Variants in USP26 observed in about 807,000 individuals in gnomAD.
The protein encoded by USP26 is ubiquitin carboxyl-terminal hydrolase 26.
For synonymous variants in USP26, 236 were observed against 240.6 expected (o/e 0.98, Z 0.18); for missense variants, 649 against 642.3 (o/e 1.01, Z -0.11).
At chrX:133,095,903 C>A (rs1004192731) in intron 1 of USP26, among the ~76,000 whole-genome samples, 2 of 110,639 alleles carry the variant, frequency 1.8e-5, no homozygotes, top group African/African-American at 3.3e-5. Context: ...TATCACCACG[C>A]CTGGCTGATT....
At chrX:133,085,983 G>A (rs937945360) in intron 4 of USP26, among the ~76,000 whole-genome samples, 5 of 111,147 alleles carry the variant, frequency 4.5e-5, no homozygotes, top group African/African-American at 6.6e-5. Flanking sequence ...GTGAGTCAGC[G>A]TGGGTGTGTG....
intron 1 of USP26, among the ~76,000 whole-genome samples, chrX:133,092,356 T>A (rs2067610484): frequency 8.9e-6 from 1 of 111,922 alleles, no homozygotes; most frequent in Admixed American, 9.5e-5. Flanking sequence ...ATAACAAATT[T>A]TTGAAATCGG....
chrX:133,037,965 C>T lies in USP26; in HGVS notation c.-76-9669G>A, dbSNP rs181940306. Among the ~76,000 whole-genome samples the T allele has an allele frequency of 5.4e-5, 6 of 111,111 alleles. No individual in the cohort carries two copies. The East Asian group carries it at 1.7e-3, about 32-fold the overall frequency. On this transcript the variant is annotated intron_variant, in intron 5 of 5. Transcript: ENST00000511190. ...AGTTTACTCATGATTTGGCTCTCTG[C>T]TTGTCTATTATTGGTGTATAGGAAT...
chrX:133,030,591 G>A (rs1262774102), intron 5 of USP26, among the ~76,000 whole-genome samples: 2 of 111,529 alleles, frequency 1.8e-5, no homozygotes, highest in South Asian at 3.8e-4. Flanking sequence ...ATAAAAGAGG[G>A]GACTCCTGTA....
intron 5 of USP26, among the ~76,000 whole-genome samples, chrX:133,038,682 G>T (rs1479158781): frequency 1.8e-5 from 2 of 112,009 alleles, no homozygotes; most frequent in Non-Finnish European, 3.8e-5. Context: ...CTCATAAAAT[G>T]AGTTAGGGAG....
intron 5 of USP26, among the ~76,000 whole-genome samples, chrX:133,062,661 A>AAG (rs1317686137): frequency 6.3e-5 from 7 of 111,655 alleles, no homozygotes; most frequent in Non-Finnish European, 1.1e-4. Context: ...ACACCTGCAG[A>AAG]AGAGGGGCCT....
chrX:133,036,769 G>A (rs1161192430), intron 5 of USP26, among the ~76,000 whole-genome samples: 1 of 112,299 alleles, frequency 8.9e-6, no homozygotes. Flanking sequence ...CTTCCACAAT[G>A]GTTGAACTAG....
At chrX:133,068,899 G>A (rs1016558932) in intron 5 of USP26, among the ~76,000 whole-genome samples, 4 of 112,092 alleles carry the variant, frequency 3.6e-5, no homozygotes, top group Non-Finnish European at 7.5e-5. Context: ...GAGGTGTTCC[G>A]CTAATTAAGA....
chrX:133,080,356 A>G (rs1333906127), intron 5 of USP26, among the ~76,000 whole-genome samples: 1 of 111,541 alleles, frequency 9.0e-6, no homozygotes, highest in East Asian at 2.8e-4. Flanking sequence ...AAAATTTTAA[A>G]TTCAGCTAAG....
intron 1 of USP26, among the ~76,000 whole-genome samples, chrX:133,092,862 A>G (rs1356414637): frequency 2.7e-5 from 3 of 111,877 alleles, no homozygotes; most frequent in South Asian, 3.7e-4. Flanking sequence ...TCTAAATTCA[A>G]TCTAGAAGGA....
At chrX:133,063,354 G>A (rs755289845) in intron 5 of USP26, among the ~76,000 whole-genome samples, 15 of 110,951 alleles carry the variant, frequency 1.4e-4, no homozygotes, top group Non-Finnish European at 2.8e-4. Flanking sequence ...ACAGGCCAAC[G>A]TTCAAATTCA....
intron 5 of USP26, among the ~76,000 whole-genome samples, chrX:133,063,917 T>G (rs1476756726): frequency 1.8e-5 from 2 of 111,928 alleles, no homozygotes; most frequent in Non-Finnish European, 3.8e-5. Flanking sequence ...ATGCCCCAAT[T>G]AAAAGACACA....
chrX:133,025,251 T>C lies in USP26; in HGVS notation c.*228A>G. The C allele has an allele frequency of 2.2e-6, 1 of 455,288 alleles. No homozygotes were observed. The allele number at this position is 455,288 out of a possible 1,213,427, so 37.5% of individuals were successfully genotyped here. A position where few individuals can be genotyped will look rare whatever the true frequency, so the allele number is the denominator to read the frequency against. ...ATGAAGAAGAACATGAAAAACACAA[T>C]TTCAGTCTTGTAGGAGAGAAGGATG... On this transcript the variant is annotated 3_prime_UTR_variant, in exon 6 of 6. Coordinates refer to ENST00000511190, the MANE Select transcript of USP26 (RefSeq NM_031907.3).
chrX:133,084,344 G>A (rs1248940375), intron 4 of USP26, among the ~76,000 whole-genome samples: 2 of 109,475 alleles, frequency 1.8e-5, no homozygotes, highest in African/African-American at 3.3e-5. Flanking sequence ...GACTACAGGC[G>A]TGACACCACC....
intron 1 of USP26, among the ~76,000 whole-genome samples, chrX:133,094,982 C>T (rs2067623015): frequency 9.3e-6 from 1 of 107,560 alleles, no homozygotes; most frequent in Admixed American, 1.0e-4. Flanking sequence ...GTAATCCCAG[C>T]TACTTGGGAG....
intron 5 of USP26, among the ~76,000 whole-genome samples, chrX:133,081,131 T>C (rs1366069183): frequency 9.0e-6 from 1 of 110,708 alleles, no homozygotes; most frequent in Admixed American, 9.7e-5. Context: ...CTTTGAGCTA[T>C]CATTTTGCAG....
At chrX:133,053,241 T>C (rs1243308086) in intron 5 of USP26, among the ~76,000 whole-genome samples, 1 of 111,651 alleles carries the variant, frequency 9.0e-6, no homozygotes, top group African/African-American at 3.3e-5. Flanking sequence ...AAAATATGAA[T>C]AGAAAAAGTA....
rs891270763 is a variant in USP26, at chrX:133,026,846, C to G, written c.1375G>C (p.Glu459Gln). The change falls in exon 6 of 6, where the codon GAA becomes CAA. Residue 459 changes from glutamate (E) to glutamine (Q), a missense_variant. By Grantham distance (29) the Glu-to-Gln change is conservative (BLOSUM62 2). Transcript: ENST00000511190. ...TTGATGGAGAGGTAATTATTCAGTT[C>G]TGTCTTGAGAATAACCTGACCACAA... The part of the protein sequence containing the change: ...KACGQVILKT[E>Q]LNNYLSINLP... The G allele has an allele frequency of 1.6e-5, 19 of 1,208,963 alleles. No individual in the cohort carries two copies. The highest frequency in any genetic ancestry group is 2.0e-5 in the Non-Finnish European group (18 of 894,588).
At chrX:133,093,868 C>T (rs2067616941) in intron 1 of USP26, among the ~76,000 whole-genome samples, 1 of 104,467 alleles carries the variant, frequency 9.6e-6, no homozygotes, top group African/African-American at 3.5e-5. Context: ...TCAGTCCCAG[C>T]TACTCAGGAG....
Sources: gnomAD v4.1 joint callset for allele counts (sites outside exome capture counted in the v4.1 genomes callset) on GRCh38, gnomAD v4.1.1 for gene constraint, MANE v1.5 for transcripts, NCBI Gene and HGNC (gene_info 2026-07-23, HGNC 2026-07-21) for gene names.